Variants in PGM1 observed in about 807,000 individuals in gnomAD.
PGM1 encodes phosphoglucomutase-1.
Under a neutral mutation model 55.6 loss-of-function variants are expected in PGM1, and 52 were observed. That is an observed-to-expected ratio of 0.94 (90% confidence interval 0.75 to 1.18). The LOEUF is 1.18. Ranked by LOEUF, PGM1 falls within the 50% of genes most tolerant of loss-of-function variation. The pLI is 0.00. For synonymous variants in PGM1, 287 were observed against 271.7 expected (o/e 1.06, Z -0.55); for missense variants, 724 against 729.3 (o/e 0.99, Z 0.08).
intron 8 of PGM1, 83 bp downstream of exon 8, chr1:63,648,735 C>G (rs746016715): frequency 1.7e-4 from 240 of 1,437,626 alleles, no homozygotes; most frequent in Non-Finnish European, 2.3e-4. Context: ...CCTCTCCTGT[C>G]TTAAGTGCTA....
At chr1:63,638,659 G>A (rs766221353) in intron 6 of PGM1, 26 bp from the exon 7 acceptor site, 9 of 1,485,784 alleles carry the variant, frequency 6.1e-6, no homozygotes, top group African/African-American at 2.8e-5. Context: ...CTGCTGTGAT[G>A]TAACTTTGAT....
intron 10 of PGM1, 98 bp from the exon 11 acceptor site, chr1:63,659,488 T>C: frequency 2.1e-6 from 2 of 939,680 alleles, no homozygotes; most frequent in South Asian, 2.6e-5. Context: ...TGAGGAGCCT[T>C]GGAGACCTGG....
intron 10 of PGM1, among the ~76,000 whole-genome samples, chr1:63,657,815 C>G (rs1006931309): frequency 7.9e-5 from 12 of 152,210 alleles, no homozygotes; most frequent in Admixed American, 7.8e-4. Context: ...TCACCAGTAC[C>G]TTGTTGTGTT....
chr1:63,645,589 G>A (rs921930085), intron 7 of PGM1, among the ~76,000 whole-genome samples: 2 of 152,052 alleles, frequency 1.3e-5, no homozygotes, highest in African/African-American at 4.8e-5. Flanking sequence ...ATAGCAGTAA[G>A]GGCAAATAAA....
intron 1 of PGM1, among the ~76,000 whole-genome samples, chr1:63,603,556 C>T (rs74078291): frequency 6.6e-6 from 1 of 152,292 alleles, no homozygotes; most frequent in African/African-American, 2.4e-5. Flanking sequence ...GTCAGTAGAA[C>T]AGAATCGTAA....
rs971895741 is a variant in PGM1 at position 63,613,518 on chromosome 1, C to T, written c.247-15907C>T. Among the ~76,000 whole-genome samples the T allele has an allele frequency of 3.3e-5, 5 of 152,018 alleles. No individual in the cohort carries two copies. In the Middle Eastern group the frequency reaches 0.01, roughly 310 times the overall value. On this transcript the variant is annotated intron_variant, in intron 1 of 10. Coordinates refer to ENST00000371084, the MANE Select transcript of PGM1 (RefSeq NM_002633.3). ...ACTTCAATCTCTACCTCTGTCTTCA[C>T]GTGGCATTCTTCCCTATGTATCTCT...
At chr1:63,594,145 G>A (rs1301666046) in intron 1 of PGM1, 1 of 994,572 alleles carries the variant, frequency 1.0e-6, no homozygotes, top group Non-Finnish European at 1.2e-6. Flanking sequence ...AGCAGGAAAG[G>A]TTAGACTGCC....
At chr1:63,638,840 C>T (rs1488650103) in intron 7 of PGM1, 40 bp downstream of exon 7, 10 of 1,342,982 alleles carry the variant, frequency 7.4e-6, no homozygotes, top group Non-Finnish European at 1.1e-5. Context: ...CTCCCTGTAA[C>T]CACTATTTCC....
intron 9 of PGM1, among the ~76,000 whole-genome samples, chr1:63,654,092 G>A (rs1649891213): frequency 6.6e-6 from 1 of 152,182 alleles, no homozygotes; most frequent in Non-Finnish European, 1.5e-5. Flanking sequence ...GCATCACTGA[G>A]GTCAGGTCTC....
intron 10 of PGM1, among the ~76,000 whole-genome samples, chr1:63,658,279 A>G (rs927052427): frequency 1.3e-5 from 2 of 152,192 alleles, no homozygotes; most frequent in Non-Finnish European, 2.9e-5. Flanking sequence ...CATTTAGTCA[A>G]ATCACTTCAT....
At chr1:63,615,441 T>A (rs114447392) in intron 1 of PGM1, among the ~76,000 whole-genome samples, 54 of 152,110 alleles carry the variant, frequency 3.6e-4, no homozygotes, top group African/African-American at 1.3e-3. Context: ...TTCTTTCATG[T>A]CCTTTACAGC....
rs191720791 is a variant in PGM1, at chr1:63,655,034, T to C, written c.1599+568T>C. Among the ~76,000 whole-genome samples, 138 of 149,010 alleles carry C rather than the reference T, an allele frequency of 9.3e-4. 3 individuals carry two copies. The highest frequency in any genetic ancestry group is 8.8e-3 in the Admixed American group (130 of 14,704). On this transcript the variant is annotated intron_variant, in intron 10 of 10. Transcript: ENST00000371084. ...CCCAGGCTGGAGTGCAATGGCACAA[T>C]CTCAGCTCACTGCAACATCCACCTT...
chr1:63,657,122 A>G (rs968979123), intron 10 of PGM1, among the ~76,000 whole-genome samples: 1 of 152,250 alleles, frequency 6.6e-6, no homozygotes, highest in African/African-American at 2.4e-5. Context: ...TAAAAAATTG[A>G]AAGTAAAATA....
intron 1 of PGM1, among the ~76,000 whole-genome samples, chr1:63,618,042 G>A (rs1465505466): frequency 6.6e-6 from 1 of 152,072 alleles, no homozygotes; most frequent in Non-Finnish European, 1.5e-5. Context: ...CTTGTACAGG[G>A]CATACTATAG....
At chr1:63,595,561 A>G (rs1194268639) in intron 1 of PGM1, among the ~76,000 whole-genome samples, 1 of 152,118 alleles carries the variant, frequency 6.6e-6, no homozygotes, top group East Asian at 1.9e-4. Context: ...GACAAGCGCA[A>G]ATTCCCATGA....
At chr1:63,618,778 A>G (rs1306126082) in intron 1 of PGM1, among the ~76,000 whole-genome samples, 1 of 152,174 alleles carries the variant, frequency 6.6e-6, no homozygotes, top group Admixed American at 6.5e-5. Context: ...ACCAGCGCCA[A>G]AAGGGATTCT....
rs376258717 is a variant in PGM1, at chr1:63,597,755, C to T, written c.246+4021C>T. Reference sequence around the variant, plus strand: ...CTAATGATCTGCAAATGACCAGCATCAGAAATTGAGGAGAGTTTAAGCTCA... The same window carrying T: ...CTAATGATCTGCAAATGACCAGCATTAGAAATTGAGGAGAGTTTAAGCTCA... On this transcript the variant is annotated intron_variant, in intron 1 of 10. Coordinates refer to ENST00000371084, the MANE Select transcript of PGM1 (RefSeq NM_002633.3). Among the ~76,000 whole-genome samples the T allele has an allele frequency of 3.0e-4, 46 of 152,270 alleles. No individual in the cohort carries two copies. In the South Asian group the frequency reaches 9.3e-3, roughly 31 times the overall value.
chr1:63,628,889 T>C (rs1446334798), intron 1 of PGM1, among the ~76,000 whole-genome samples: 1 of 152,208 alleles, frequency 6.6e-6, no homozygotes, highest in Non-Finnish European at 1.5e-5. Flanking sequence ...AAACCCACTA[T>C]ATGAAAAAGC....
At chr1:63,598,512 A>G (rs540488471) in intron 1 of PGM1, among the ~76,000 whole-genome samples, 2 of 152,202 alleles carry the variant, frequency 1.3e-5, no homozygotes, top group African/African-American at 4.8e-5. Flanking sequence ...TGAGATAACT[A>G]TAATAGGATA....
Sources: gnomAD v4.1 joint callset for allele counts (sites outside exome capture counted in the v4.1 genomes callset) on GRCh38, gnomAD v4.1.1 for gene constraint, MANE v1.5 for transcripts, NCBI Gene and HGNC (gene_info 2026-07-23, HGNC 2026-07-21) for gene names.